SV2B: variants seen among roughly 807,000 people sequenced by gnomAD.
SV2B encodes synaptic vesicle glycoprotein 2B.
In SV2B, 41 loss-of-function variants were observed where a neutral mutation model predicts 73.9. That is an observed-to-expected ratio of 0.56 (90% CI 0.43 to 0.72). SV2B has a LOEUF of 0.72. Ranked by LOEUF, SV2B falls within the 30% of genes least tolerant of loss-of-function variation. SV2B has a pLI of 0.00. For missense variants in SV2B, 764 were observed against 857.8 expected (o/e 0.89, Z 1.37); for synonymous variants, 314 against 314.2 (o/e 1.00, Z 0.01).
intron 1 of SV2B, among the ~76,000 whole-genome samples, chr15:91,171,655 T>C (rs1268984385): frequency 1.3e-5 from 2 of 152,192 alleles, no homozygotes; most frequent in Non-Finnish European, 2.9e-5. Context: ...ATGCTCATCA[T>C]CTCTCCTCGT....
Position 91,128,996 on chromosome 15 carries a change from T to C in SV2B, c.-392+28633T>C, listed in dbSNP as rs556171547. Among the ~76,000 whole-genome samples the C allele has an allele frequency of 6.6e-5, 10 of 152,396 alleles. No homozygotes were observed. The highest frequency in any genetic ancestry group is 1.7e-4 in the African/African-American group (7 of 41,598). On this transcript the variant is annotated intron_variant, in intron 1 of 12. Coordinates refer to ENST00000394232, the MANE Select transcript of SV2B (RefSeq NM_001323032.3). The surrounding 1 kb of genome is among the most constrained non-coding windows in gnomAD (Gnocchi z 4.2). ...TACACGTCAAATAAAGTTGTATGCC[T>C]GCCTTCCAATTAATCTGCTTTTGTG...
At position 91,115,357 on chromosome 15, in the gene SV2B, G is replaced by T. The variant is rs538793336; in HGVS notation, c.-392+14994G>T. The stretch of plus-strand genomic sequence containing the variant: ...TGAGTGTTGACGACTTTGAAAGTGG[G>T]CTATTTCTCCATCTCCCCTTCCTTT... On this transcript the variant is annotated intron_variant, in intron 1 of 12. Coordinates refer to ENST00000394232, the MANE Select transcript of SV2B (RefSeq NM_001323032.3). The surrounding 1 kb of genome is among the most constrained non-coding windows in gnomAD (Gnocchi z 4.3). Among the ~76,000 whole-genome samples the T allele has an allele frequency of 1.3e-5, 2 of 152,124 alleles. No individual in the cohort carries two copies. The highest frequency in any genetic ancestry group is 3.9e-4 in the East Asian group (2 of 5,180).
Position 91,201,993 on chromosome 15 carries a change from A to T in SV2B, c.-391-23880A>T, listed in dbSNP as rs141702133. On this transcript the variant is annotated intron_variant, in intron 1 of 12. Coordinates refer to ENST00000394232, the MANE Select transcript of SV2B (RefSeq NM_001323032.3). ...ATGCCACCTCTGTTCAGTATCTTTC[A>T]CTGTTTCTGACTTTGTGCTTGCCCC... Among the ~76,000 whole-genome samples, 331 of 152,184 alleles carry T rather than the reference A, an allele frequency of 2.2e-3. 2 individuals carry two copies. Among genetic ancestry groups the T allele is most frequent in the African/African-American group, 7.3e-3 (301 of 41,490 alleles).
At position 91,234,951 on chromosome 15, in the gene SV2B, G is replaced by C. The variant is rs1207170952; in HGVS notation, c.451+8237G>C. Among the ~76,000 whole-genome samples the C allele has an allele frequency of 6.6e-6, 1 of 152,148 alleles. No individual in the cohort carries two copies. Among genetic ancestry groups the C allele is most frequent in the African/African-American group, 2.4e-5 (1 of 41,436 alleles). The stretch of plus-strand genomic sequence containing the variant: ...ATCAGTCAGAGTAGGAGCTTATGGT[G>C]GTTAGGTGATCAATGGAGTTTTAGC... On this transcript the variant is annotated intron_variant, in intron 2 of 12. Coordinates refer to ENST00000394232, the MANE Select transcript of SV2B (RefSeq NM_001323032.3). The surrounding 1 kb of genome is among the most constrained non-coding windows in gnomAD (Gnocchi z 5.6).
intron 1 of SV2B, among the ~76,000 whole-genome samples, chr15:91,198,677 G>A (rs1023626590): frequency 2.0e-5 from 3 of 152,222 alleles, no homozygotes; most frequent in African/African-American, 7.2e-5. Context: ...AAAATGAGAA[G>A]GGGAATGGGA....
At position 91,227,343 on chromosome 15, in the gene SV2B, A is replaced by G. The variant is rs549243836; in HGVS notation, c.451+629A>G. ...AGCTTTGCAAATCAATTAAGAGATC[A>G]GCACCATCAGAGCCAAGCATCAGCA... is the stretch of plus-strand genomic sequence containing the variant. On this transcript the variant is annotated intron_variant, in intron 2 of 12. Transcript: ENST00000394232. This position sits in a 1 kb window ranked among gnomAD's most constrained non-coding sequence, Gnocchi z 4.5. 6.6e-6 allele frequency among the ~76,000 whole-genome samples: 1 copy of G among 152,358 alleles called. No individual in the cohort carries two copies. The highest frequency in any genetic ancestry group is 1.9e-4 in the East Asian group (1 of 5,184).
intron 1 of SV2B, among the ~76,000 whole-genome samples, chr15:91,195,790 A>G (rs898933475): frequency 3.3e-5 from 5 of 152,172 alleles, no homozygotes; most frequent in African/African-American, 9.7e-5. Flanking sequence ...TAGATATGCA[A>G]AAGTACAGCT....
intron 1 of SV2B, among the ~76,000 whole-genome samples, chr15:91,215,351 C>G (rs1167616591): frequency 6.6e-6 from 1 of 152,172 alleles, no homozygotes; most frequent in Non-Finnish European, 1.5e-5. Flanking sequence ...GTGGATTTCC[C>G]TCCTCCTTCT....
chr15:91,219,393 C>G (rs1362143004), intron 1 of SV2B, among the ~76,000 whole-genome samples: 2 of 152,116 alleles, frequency 1.3e-5, no homozygotes, highest in Non-Finnish European at 2.9e-5. Context: ...AGCTCTTGGT[C>G]CCTCATGCAA....
chr15:91,155,523 G>C (rs2043457930), intron 1 of SV2B, among the ~76,000 whole-genome samples: 1 of 152,104 alleles, frequency 6.6e-6, no homozygotes, highest in Non-Finnish European at 1.5e-5. Context: ...GCCTCTTCTG[G>C]ACCCCAAGAT....
At chr15:91,211,477 C>CGCTGCT (rs147025263) in intron 1 of SV2B, among the ~76,000 whole-genome samples, 3 of 151,098 alleles carry the variant, frequency 2.0e-5, no homozygotes, top group African/African-American at 7.3e-5. Flanking sequence ...CCTCTTCCTC[C>CGCTGCT]GCTGCTGCTG....
At chr15:91,145,056 G>A (rs1459289755) in intron 1 of SV2B, among the ~76,000 whole-genome samples, 1 of 151,976 alleles carries the variant, frequency 6.6e-6, no homozygotes, top group Non-Finnish European at 1.5e-5. Flanking sequence ...GTATCATGGG[G>A]GTTGTTGTAC....
At chr15:91,209,988 G>A (rs917469356) in intron 1 of SV2B, among the ~76,000 whole-genome samples, 4 of 152,032 alleles carry the variant, frequency 2.6e-5, no homozygotes, top group African/African-American at 9.7e-5. Context: ...CTGAATTGGG[G>A]AAGAGAATGG....
At chr15:91,262,718 A>G (rs2047954002) in intron 6 of SV2B, among the ~76,000 whole-genome samples, 1 of 152,118 alleles carries the variant, frequency 6.6e-6, no homozygotes, top group African/African-American at 2.4e-5. Context: ...TACTGCAAAC[A>G]TTTATTAAGA....
At chr15:91,165,355 G>A (rs2043875584) in intron 1 of SV2B, among the ~76,000 whole-genome samples, 1 of 152,116 alleles carries the variant, frequency 6.6e-6, no homozygotes, top group Non-Finnish European at 1.5e-5. Context: ...TTTTTTAAAG[G>A]ATGGTTGTAT....
At chr15:91,111,288 G>A (rs148839192) in intron 1 of SV2B, among the ~76,000 whole-genome samples, 4 of 152,202 alleles carry the variant, frequency 2.6e-5, no homozygotes, top group Non-Finnish European at 5.9e-5. Context: ...GCCCCTGCTG[G>A]CTGGCTTGGC....
intron 1 of SV2B, among the ~76,000 whole-genome samples, chr15:91,145,734 T>C (rs1177542889): frequency 6.6e-6 from 1 of 152,246 alleles, no homozygotes; most frequent in African/African-American, 2.4e-5. Flanking sequence ...ATTTCTCTAA[T>C]GATCAATGAT....
chr15:91,154,319 G>A (rs776492354), intron 1 of SV2B, among the ~76,000 whole-genome samples: 12 of 151,996 alleles, frequency 7.9e-5, no homozygotes, highest in African/African-American at 1.9e-4. Context: ...ACTATGTGCC[G>A]GATGCAGTGC....
At chr15:91,157,213 A>T (rs1016798042) in intron 1 of SV2B, among the ~76,000 whole-genome samples, 24 of 152,164 alleles carry the variant, frequency 1.6e-4, no homozygotes, top group African/African-American at 5.1e-4. Context: ...CATGTCCTGG[A>T]GTGATTGGGA....
Sources: allele counts gnomAD v4.1 joint callset (sites outside exome capture counted in the v4.1 genomes callset), GRCh38; gene constraint gnomAD v4.1.1; non-coding constraint Gnocchi (gnomAD v3.1); transcripts MANE v1.5; gene names NCBI Gene and HGNC (gene_info 2026-07-23, HGNC 2026-07-21).